Variants in OSBPL10 observed in about 807,000 individuals in gnomAD.
OSBPL10 encodes the protein oxysterol-binding protein-related protein 10.
In OSBPL10, 49 loss-of-function variants were observed where a neutral mutation model predicts 81.7. The observed-to-expected ratio is 0.60, with a 90% CI of 0.48 to 0.76. The LOEUF is 0.76. Among genes scored for constraint, OSBPL10 ranks in the 30% least tolerant of loss-of-function variants. OSBPL10 has a pLI of 0.00. For synonymous variants in OSBPL10, 419 were observed against 383.6 expected (o/e 1.09, Z -1.08); for missense variants, 923 against 987.8 (o/e 0.93, Z 0.88).
chr3:31,923,228 G>T (rs1473401615), intron 1 of OSBPL10, among the ~76,000 whole-genome samples: 1 of 152,114 alleles, frequency 6.6e-6, no homozygotes, highest in African/African-American at 2.4e-5. Flanking sequence ...AAGGGGTGGG[G>T]AGCTAAACCA....
intron 1 of OSBPL10, among the ~76,000 whole-genome samples, chr3:32,060,279 G>C (rs868195597): frequency 6.6e-6 from 1 of 152,088 alleles, no homozygotes; most frequent in Admixed American, 6.6e-5. Context: ...GGCAAGATCC[G>C]GCCTCCTTGG....
intron 1 of OSBPL10, among the ~76,000 whole-genome samples, chr3:31,913,621 A>AT (rs747253292): frequency 7.9e-5 from 12 of 152,226 alleles, no homozygotes; most frequent in Non-Finnish European, 1.6e-4. Context: ...GCATGTATTA[A>AT]TTCAGGCTAC....
chr3:32,071,401 T>G (rs1699827397), intron 1 of OSBPL10, among the ~76,000 whole-genome samples: 1 of 152,142 alleles, frequency 6.6e-6, no homozygotes, highest in South Asian at 2.1e-4. Flanking sequence ...CACTCCTGTT[T>G]CCATTCCTTG....
Position 31,674,421 on chromosome 3 carries a change from A to G in OSBPL10, c.1727-3438T>C, listed in dbSNP as rs1189986468. Among the ~76,000 whole-genome samples, 4 of 152,196 alleles carry G rather than the reference A, an allele frequency of 2.6e-5. No homozygotes were observed. In the South Asian group the frequency reaches 8.3e-4, roughly 32 times the overall value. On this transcript the variant is annotated intron_variant, in intron 8 of 11. Coordinates refer to ENST00000396556, the MANE Select transcript of OSBPL10 (RefSeq NM_017784.5). ...AATTTTAAAAAAAAATTAGCTGTGC[A>G]TGGTGGTGAGCACCTGTAGTCCCAG...
intron 5 of OSBPL10, among the ~76,000 whole-genome samples, chr3:31,734,128 G>A (rs1310106134): frequency 6.6e-6 from 1 of 152,174 alleles, no homozygotes; most frequent in Non-Finnish European, 1.5e-5. Context: ...CAGAAAAGAT[G>A]CCTGCAAAGT....
chr3:31,675,688 G>A (rs1039817051), intron 8 of OSBPL10, among the ~76,000 whole-genome samples: 3 of 152,194 alleles, frequency 2.0e-5, no homozygotes, highest in African/African-American at 7.2e-5. Flanking sequence ...GCTCACGCCT[G>A]TAATCCCAGC....
intron 4 of OSBPL10, among the ~76,000 whole-genome samples, chr3:31,764,519 G>A (rs1333110325): frequency 2.0e-5 from 3 of 152,304 alleles, no homozygotes; most frequent in South Asian, 2.1e-4. Flanking sequence ...AAAGAGGAAC[G>A]AAGGAAGAAG....
rs190567720 is a variant in OSBPL10 at position 31,874,838 on chromosome 3, C to T, written c.537+1595G>A. ...AGACATATTCTAAGATCTAGCAATTCCACTGGTATAAATTCATCCTACAGA... is the reference window on the plus strand; with the variant it reads ...AGACATATTCTAAGATCTAGCAATTTCACTGGTATAAATTCATCCTACAGA... On this transcript the variant is annotated intron_variant, in intron 3 of 11. Transcript: ENST00000396556. Among the ~76,000 whole-genome samples the T allele has an allele frequency of 1.4e-3, 219 of 152,052 alleles. 1 individual carries two copies. The highest frequency in any genetic ancestry group is 2.3e-3 in the Non-Finnish European group (153 of 67,942).
chr3:31,973,856 T>C (rs367784559), intron 1 of OSBPL10, among the ~76,000 whole-genome samples: 89 of 152,346 alleles, frequency 5.8e-4, no homozygotes, highest in African/African-American at 2.0e-3. Context: ...AATAAAAGCA[T>C]GTGACCACAC....
chr3:31,793,431 A>T (rs75698828), intron 4 of OSBPL10, among the ~76,000 whole-genome samples: 26,149 of 152,224 alleles, frequency 0.17, 4,925 homozygotes, highest in African/African-American at 0.47. Context: ...AATTTAGATA[A>T]AATTTAATTA....
At chr3:31,869,682 G>A (rs1559498834) in intron 3 of OSBPL10, among the ~76,000 whole-genome samples, 1 of 152,134 alleles carries the variant, frequency 6.6e-6, no homozygotes, top group East Asian at 1.9e-4. Context: ...AAAGAAGAGG[G>A]AGCATGCTAA....
chr3:31,702,522 A>G lies in OSBPL10; in HGVS notation c.1096-14T>C. On this transcript the variant is annotated splice_polypyrimidine_tract_variant and intron_variant, in intron 6 of 11. Transcript: ENST00000396556. The stretch of plus-strand genomic sequence containing the variant: ...GCCTGAGTTTGGCTAAAATGAAATA[A>G]TCAATAAAAATCACCAGCTGGCCCA... The G allele has an allele frequency of 6.2e-7, 1 of 1,613,808 alleles. No homozygotes were observed. The highest frequency in any genetic ancestry group is 8.5e-7 in the Non-Finnish European group (1 of 1,179,762).
chr3:31,915,160 AT>A (rs55645684), intron 1 of OSBPL10, among the ~76,000 whole-genome samples: 80 of 147,348 alleles, frequency 5.4e-4, no homozygotes, highest in African/African-American at 9.0e-4. Flanking sequence ...CTTTGAACAC[AT>A]TTTTTTTTTT....
rs747490467 is a variant in OSBPL10, at chr3:31,788,778, T to TA, written c.730-40659dup. ...GGGCAACAAAGTGAGACCTTGCCTC[T>TA]AAAAAAAAATAATAATAAAAATAAA... On this transcript the variant is annotated intron_variant, in intron 4 of 11. Coordinates refer to ENST00000396556, the MANE Select transcript of OSBPL10 (RefSeq NM_017784.5). Among the ~76,000 whole-genome samples, 17 of 150,548 alleles carry TA rather than the reference T, an allele frequency of 1.1e-4. No individual in the cohort carries two copies. In the South Asian group the frequency reaches 2.1e-3, roughly 19 times the overall value.
intron 4 of OSBPL10, among the ~76,000 whole-genome samples, chr3:31,812,804 AAGAAAGAAAGAAAGAG>A (rs1559476485): frequency 1.8e-5 from 1 of 56,072 alleles, no homozygotes; most frequent in African/African-American, 7.7e-5. Context: ...GAAAGAAAGA[AAGAAAGAAAGAAAGAG>A]AAAGAAAGAA....
intron 3 of OSBPL10, among the ~76,000 whole-genome samples, chr3:31,873,085 G>T (rs1487768667): frequency 6.6e-6 from 1 of 152,096 alleles, no homozygotes; most frequent in African/African-American, 2.4e-5. Context: ...GGGTAACGAG[G>T]GAACCTGCTG....
Position 31,661,938 on chromosome 3 carries a change from A to G in OSBPL10, c.*134T>C. On this transcript the variant is annotated 3_prime_UTR_variant, in exon 12 of 12. Coordinates refer to ENST00000396556, the MANE Select transcript of OSBPL10 (RefSeq NM_017784.5). ...GGGGGTGCACTTTTCATAGTATATAATTTCTCTCTCTCTCATCATTTCTTG... is the reference window on the plus strand; with the variant it reads ...GGGGGTGCACTTTTCATAGTATATAGTTTCTCTCTCTCTCATCATTTCTTG... The G allele has an allele frequency of 7.6e-7, 1 of 1,320,146 alleles. No homozygotes were observed. Among genetic ancestry groups the G allele is most frequent in the South Asian group, 1.4e-5 (1 of 70,190 alleles). 81.8% of individuals were successfully genotyped at this position (1,320,146 alleles called of 1,614,324 possible).
intron 4 of OSBPL10, among the ~76,000 whole-genome samples, chr3:31,781,246 T>G (rs1469727708): frequency 6.6e-6 from 1 of 152,150 alleles, no homozygotes; most frequent in Non-Finnish European, 1.5e-5. Flanking sequence ...GGAAAAAGCA[T>G]TTGACAAAAT....
chr3:31,966,153 A>ATGTGTGTGTGTGTGTGTGTGTG (rs59737552), intron 1 of OSBPL10, among the ~76,000 whole-genome samples: 1 of 134,842 alleles, frequency 7.4e-6, no homozygotes, highest in African/African-American at 2.7e-5. Context: ...CAACAAAATT[A>ATGTGTGTGTGTGTGTGTGTGTG]TGTGTGTGTG....
Sources: gnomAD v4.1 joint callset for allele counts (sites outside exome capture counted in the v4.1 genomes callset) on GRCh38, gnomAD v4.1.1 for gene constraint, MANE v1.5 for transcripts, NCBI Gene and HGNC (gene_info 2026-07-23, HGNC 2026-07-21) for gene names.